Variants in SLC25A21 observed in about 807,000 individuals in gnomAD.
The protein encoded by SLC25A21 is mitochondrial 2-oxodicarboxylate carrier.
A neutral mutation model predicts 43.8 loss-of-function variants in SLC25A21; 47 were observed. The ratio of observed to expected loss-of-function variants is 1.07; its 90% CI spans 0.85 to 1.37. The LOEUF (loss-of-function observed/expected upper bound fraction) is 1.37. Ranked by LOEUF, SLC25A21 falls within the 40% of genes most tolerant of loss-of-function variation. The pLI is 0.00. For synonymous variants in SLC25A21, 131 were observed against 121.3 expected (o/e 1.08, Z -0.52); for missense variants, 352 against 350.2 (o/e 1.00, Z -0.04).
intron 3 of SLC25A21, among the ~76,000 whole-genome samples, chr14:36,803,353 C>T (rs1452983085): frequency 6.6e-6 from 1 of 152,118 alleles, no homozygotes; most frequent in African/African-American, 2.4e-5. Context: ...TATATTGCAA[C>T]ATTCTTTTAA....
intron 3 of SLC25A21, among the ~76,000 whole-genome samples, chr14:36,746,039 A>G (rs929511105): frequency 6.6e-6 from 1 of 152,218 alleles, no homozygotes; most frequent in Non-Finnish European, 1.5e-5. Flanking sequence ...TATGGAAAAC[A>G]GGATGGAGAT....
chr14:36,684,602 G>T, intron 8 of SLC25A21, 142 bp downstream of exon 8: 1 of 692,314 alleles, frequency 1.4e-6, no homozygotes, highest in Non-Finnish European at 2.3e-6. Context: ...GTCTTGGAAA[G>T]TTTGTCATAT....
At chr14:36,874,515 C>T (rs1031190904) in intron 2 of SLC25A21, among the ~76,000 whole-genome samples, 2 of 152,030 alleles carry the variant, frequency 1.3e-5, no homozygotes, top group East Asian at 3.9e-4. Flanking sequence ...CATTGGCAAA[C>T]AGTAATAGGA....
intron 3 of SLC25A21, among the ~76,000 whole-genome samples, chr14:36,798,785 C>T (rs1187668725): frequency 6.6e-6 from 1 of 152,044 alleles, no homozygotes; most frequent in African/African-American, 2.4e-5. Flanking sequence ...AACTATGTCT[C>T]ACACCAGAGA....
chr14:37,153,841 A>G (rs1405589567), intron 1 of SLC25A21, among the ~76,000 whole-genome samples: 3 of 152,106 alleles, frequency 2.0e-5, no homozygotes, highest in Admixed American at 2.0e-4. Flanking sequence ...CTATCTCCTC[A>G]GCTGACCTAT....
chr14:36,940,862 A>T (rs1233360423), intron 1 of SLC25A21, among the ~76,000 whole-genome samples: 1 of 152,168 alleles, frequency 6.6e-6, no homozygotes, highest in Admixed American at 6.5e-5. Context: ...GAGAAACTGG[A>T]GAAAAGTACT....
rs1473534392 is a variant in SLC25A21 at position 36,958,716 on chromosome 14, CACAT to C, written c.71-83716_71-83713del. Among the ~76,000 whole-genome samples the C allele has an allele frequency of 6.6e-5, 9 of 136,118 alleles. No homozygotes were observed. In the East Asian group the frequency reaches 9.8e-4, roughly 15 times the overall value. The allele number at this position is 136,118 out of a possible 152,430, so 89.3% of individuals were successfully genotyped here. A position where few individuals can be genotyped will look rare whatever the true frequency, so the allele number is the denominator to read the frequency against. ...ACACACACACACACACACACACACA[CACAT>C]GCAACAGAGCCAGAAGGGAGGGGGA... On this transcript the variant is annotated intron_variant, in intron 1 of 9. Coordinates refer to ENST00000331299, the MANE Select transcript of SLC25A21 (RefSeq NM_030631.4).
At chr14:36,752,236 C>T (rs1044759976) in intron 3 of SLC25A21, among the ~76,000 whole-genome samples, 26 of 152,056 alleles carry the variant, frequency 1.7e-4, no homozygotes, top group Admixed American at 1.2e-3. Flanking sequence ...TAAAGAAATC[C>T]TAGAAAATAA....
chr14:36,874,929 A>G, intron 2 of SLC25A21, 27 bp downstream of exon 2: 1 of 1,602,442 alleles, frequency 6.2e-7, no homozygotes, highest in Non-Finnish European at 8.5e-7. Context: ...GCCAAAGTCA[A>G]TAAAACTTGT....
intron 7 of SLC25A21, among the ~76,000 whole-genome samples, chr14:36,697,168 C>T (rs892977377): frequency 6.6e-6 from 1 of 152,148 alleles, no homozygotes; most frequent in African/African-American, 2.4e-5. Flanking sequence ...TCGTTATTTA[C>T]CTAGTAGTCA....
At chr14:37,170,416 T>C (rs1264084204) in intron 1 of SLC25A21, among the ~76,000 whole-genome samples, 1 of 152,136 alleles carries the variant, frequency 6.6e-6, no homozygotes, top group Non-Finnish European at 1.5e-5. Flanking sequence ...TACAGGTGCT[T>C]ATGAGTCATC....
intron 2 of SLC25A21, among the ~76,000 whole-genome samples, chr14:36,845,583 A>T (rs954106010): frequency 6.6e-6 from 1 of 152,256 alleles, no homozygotes; most frequent in African/African-American, 2.4e-5. Flanking sequence ...AATGCAAAGA[A>T]CATTTCCACA....
chr14:36,734,632 A>G (rs1884960859), intron 3 of SLC25A21, 59 bp from the exon 4 acceptor site: 3 of 1,338,808 alleles, frequency 2.2e-6, no homozygotes, highest in Admixed American at 2.0e-5. Flanking sequence ...AGTATTTCTG[A>G]CTTTGTTAAG....
intron 1 of SLC25A21, among the ~76,000 whole-genome samples, chr14:36,890,172 G>C (rs1403146391): frequency 6.6e-6 from 1 of 152,146 alleles, no homozygotes; most frequent in African/African-American, 2.4e-5. Context: ...TCTGCAGGAG[G>C]GAGGAAGGGA....
chr14:36,722,155 G>T (rs1239043250), intron 6 of SLC25A21, among the ~76,000 whole-genome samples: 2 of 152,102 alleles, frequency 1.3e-5, no homozygotes, highest in Admixed American at 1.3e-4. Context: ...ATATACACCA[G>T]ATTTTTAAAT....
intron 1 of SLC25A21, among the ~76,000 whole-genome samples, chr14:37,088,146 G>A (rs1017198265): frequency 1.3e-5 from 2 of 152,178 alleles, no homozygotes; most frequent in African/African-American, 4.8e-5. Flanking sequence ...TGTATATACA[G>A]TATATTTTTC....
intron 2 of SLC25A21, among the ~76,000 whole-genome samples, chr14:36,864,471 C>T (rs1386089512): frequency 3.3e-5 from 5 of 152,168 alleles, no homozygotes; most frequent in African/African-American, 1.2e-4. Flanking sequence ...TTAATCAATA[C>T]AGTATTGTGG....
chr14:37,019,838 G>T (rs1253525602), intron 1 of SLC25A21, among the ~76,000 whole-genome samples: 1 of 151,612 alleles, frequency 6.6e-6, no homozygotes, highest in Admixed American at 6.6e-5. Flanking sequence ...GAACACTGGG[G>T]AGCCACAGCA....
chr14:37,171,481 G>A (rs1964127898), intron 1 of SLC25A21, among the ~76,000 whole-genome samples: 1 of 152,008 alleles, frequency 6.6e-6, no homozygotes, highest in African/African-American at 2.4e-5. Context: ...TTCTGGTTAT[G>A]AGCCAATTAT....
Sources: allele counts gnomAD v4.1 joint callset (sites outside exome capture counted in the v4.1 genomes callset), GRCh38; gene constraint gnomAD v4.1.1; transcripts MANE v1.5; gene names NCBI Gene and HGNC (gene_info 2026-07-23, HGNC 2026-07-21).